Variants in NCKAP5 observed in about 807,000 individuals in gnomAD.
The protein encoded by NCKAP5 is nck-associated protein 5.
In NCKAP5, 92 loss-of-function variants were observed where a neutral mutation model predicts 167.0. The ratio of observed to expected loss-of-function variants is 0.55; its 90% CI spans 0.47 to 0.66. The LOEUF is 0.66. NCKAP5 is among the 30% of genes least tolerant of loss of function. The pLI is 0.00. For missense variants in NCKAP5, 2,378 were observed against 2,315.0 expected (o/e 1.03, Z -0.56); for synonymous variants, 891 against 877.4 (o/e 1.02, Z -0.27).
the NCKAP5 span, among the ~76,000 whole-genome samples, chr2:133,653,221 A>C: frequency 1.3e-5 from 2 of 151,956 alleles, no homozygotes; most frequent in Non-Finnish European, 2.9e-5. Context: ...AACACTCAAA[A>C]CTCCACTTAA....
In NCKAP5 at chr2:132,865,416, A is replaced by G. The variant is rs539367592; in HGVS notation, c.687+3520T>C. Among the ~76,000 whole-genome samples the G allele has an allele frequency of 4.6e-5, 7 of 152,286 alleles. No individual in the cohort carries two copies. In the South Asian group the frequency reaches 1.5e-3, roughly 32 times the overall value. Reference sequence around the variant, plus strand: ...CAATCTCAGGATTAAATACTCACCAAGGCTCCTGGAAATTGGGGAATTTGG... The same window carrying G: ...CAATCTCAGGATTAAATACTCACCAGGGCTCCTGGAAATTGGGGAATTTGG... On this transcript the variant is annotated intron_variant, in intron 10 of 19. Transcript: ENST00000409261.
chr2:133,595,274 G>A, the NCKAP5 span, among the ~76,000 whole-genome samples: 1 of 152,026 alleles, frequency 6.6e-6, no homozygotes, highest in Admixed American at 6.5e-5. Flanking sequence ...TAGGTGGGGC[G>A]TATATAACCC....
At chr2:133,053,609 C>A (rs1342374074) in intron 6 of NCKAP5, among the ~76,000 whole-genome samples, 1 of 152,192 alleles carries the variant, frequency 6.6e-6, no homozygotes, top group Non-Finnish European at 1.5e-5. Flanking sequence ...CCATGCATGG[C>A]CATGCAAATC....
intron 8 of NCKAP5, among the ~76,000 whole-genome samples, chr2:132,893,736 C>A (rs1159424710): frequency 6.6e-6 from 1 of 152,138 alleles, no homozygotes; most frequent in Admixed American, 6.6e-5. Flanking sequence ...TGTGATAAGA[C>A]AGGAGCCCAT....
chr2:132,864,561 T>C (rs1690190747), intron 10 of NCKAP5, among the ~76,000 whole-genome samples: 2 of 152,168 alleles, frequency 1.3e-5, no homozygotes, highest in African/African-American at 4.8e-5. Flanking sequence ...TCCTGATAAA[T>C]TCCCCCTGTG....
At chr2:133,517,423 A>C in intron 3 of NCKAP5, 35 bp downstream of exon 3, 1 of 1,252,154 alleles carries the variant, frequency 8.0e-7, no homozygotes, top group Non-Finnish European at 1.1e-6. Context: ...CAAAGCCAAA[A>C]CATATAGAGT....
chr2:133,199,343 T>G (rs1257650911), intron 5 of NCKAP5, among the ~76,000 whole-genome samples: 1 of 152,036 alleles, frequency 6.6e-6, no homozygotes, highest in Non-Finnish European at 1.5e-5. Context: ...ACACATATTT[T>G]GACAAGAGAC....
intron 16 of NCKAP5, among the ~76,000 whole-genome samples, chr2:132,747,771 C>T (rs1362536678): frequency 6.6e-6 from 1 of 152,178 alleles, no homozygotes; most frequent in Non-Finnish European, 1.5e-5. Flanking sequence ...TGTATTATGT[C>T]ATTATGCAAT....
intron 6 of NCKAP5, among the ~76,000 whole-genome samples, chr2:133,051,667 A>G (rs1285995473): frequency 6.6e-6 from 1 of 152,158 alleles, no homozygotes; most frequent in African/African-American, 2.4e-5. Context: ...ATAACCAATA[A>G]TTTATTTTCC....
intron 12 of NCKAP5, among the ~76,000 whole-genome samples, chr2:132,795,025 C>A (rs916526552): frequency 6.6e-6 from 1 of 152,216 alleles, no homozygotes; most frequent in African/African-American, 2.4e-5. Context: ...TTAGCAGGCA[C>A]TGTGTATGCA....
At chr2:132,924,114 A>G (rs2149019981) in intron 8 of NCKAP5, among the ~76,000 whole-genome samples, 1 of 152,348 alleles carries the variant, frequency 6.6e-6, no homozygotes, top group East Asian at 1.9e-4. Context: ...GGCGACCCCT[A>G]CAAACCTCAG....
At chr2:133,410,136 G>T (rs1039767857) in intron 3 of NCKAP5, among the ~76,000 whole-genome samples, 10 of 152,156 alleles carry the variant, frequency 6.6e-5, no homozygotes, top group Non-Finnish European at 2.9e-5. Flanking sequence ...TTGCCTCTCC[G>T]TGCCAAGTAT....
chr2:132,894,981 C>T (rs1693025946), intron 8 of NCKAP5, among the ~76,000 whole-genome samples: 1 of 152,124 alleles, frequency 6.6e-6, no homozygotes, highest in Admixed American at 6.5e-5. Flanking sequence ...AACATAAGGA[C>T]TTGGGAAACC....
At chr2:133,179,038 T>A (rs112114511) in intron 5 of NCKAP5, among the ~76,000 whole-genome samples, 215 of 151,862 alleles carry the variant, frequency 1.4e-3, no homozygotes, top group Admixed American at 2.3e-3. Context: ...CTTGGTGGTG[T>A]CAGCATGTAG....
intron 6 of NCKAP5, among the ~76,000 whole-genome samples, chr2:133,049,220 C>T (rs2079515300): frequency 6.6e-6 from 1 of 152,114 alleles, no homozygotes; most frequent in Non-Finnish European, 1.5e-5. Flanking sequence ...TTTGTATGTT[C>T]TCAAGTCCAG....
the NCKAP5 span, among the ~76,000 whole-genome samples, chr2:133,600,918 T>C: frequency 6.6e-6 from 1 of 152,198 alleles, no homozygotes; most frequent in African/African-American, 2.4e-5. Context: ...CAGACTCCAG[T>C]CCCTACAGGG....
chr2:133,436,022 A>G (rs1052227755), intron 3 of NCKAP5, among the ~76,000 whole-genome samples: 2 of 152,188 alleles, frequency 1.3e-5, no homozygotes, highest in African/African-American at 4.8e-5. Flanking sequence ...CCAGACCCTC[A>G]AGCAGGGAAC....
At chr2:132,907,426 T>G (rs922868766) in intron 8 of NCKAP5, among the ~76,000 whole-genome samples, 1 of 152,198 alleles carries the variant, frequency 6.6e-6, no homozygotes, top group Non-Finnish European at 1.5e-5. Flanking sequence ...CTCTTTAAGT[T>G]TAGCCCAGAG....
At chr2:132,756,744 G>T (rs769961292) in intron 16 of NCKAP5, among the ~76,000 whole-genome samples, 2 of 152,176 alleles carry the variant, frequency 1.3e-5, no homozygotes, top group Non-Finnish European at 2.9e-5. Flanking sequence ...CTTTGGAAAT[G>T]CGACACATTC....
Sources: gnomAD v4.1 joint callset for allele counts (sites outside exome capture counted in the v4.1 genomes callset) on GRCh38, gnomAD v4.1.1 for gene constraint, MANE v1.5 for transcripts, NCBI Gene and HGNC (gene_info 2026-07-23, HGNC 2026-07-21) for gene names.